Variants in LCN15 observed in about 807,000 individuals in gnomAD.
LCN15 encodes lipocalin 15, also known as lipocalin-15.
In LCN15, 26 loss-of-function variants were observed where a neutral mutation model predicts 23.1. The observed-to-expected ratio is 1.13, with a 90% CI of 0.82 to 1.56. The LOEUF is 1.56. Ranked by LOEUF, LCN15 falls within the 40% of genes most tolerant of loss-of-function variation. The pLI, the probability that LCN15 is intolerant of heterozygous loss-of-function variation, is 0.00. For missense variants in LCN15, 241 were observed against 239.5 expected (o/e 1.01, Z -0.04); for synonymous variants, 107 against 98.3 (o/e 1.09, Z -0.52).
chr9:136,763,633 C>T, intron 3 of LCN15, 80 bp downstream of exon 3: 2 of 1,507,890 alleles, frequency 1.3e-6, no homozygotes, highest in Non-Finnish European at 1.8e-6. Flanking sequence ...ACAGCTTGGG[C>T]CCGGGTGGAA....
chr9:136,761,033 A>C lies in LCN15; in HGVS notation c.*32+754T>G, dbSNP rs953534092. ...TTCGGCAGCACAGACACTAGGGGGCAGTTTGGACACAGATGCACAGAAGGA... is the reference window on the plus strand; with the variant it reads ...TTCGGCAGCACAGACACTAGGGGGCCGTTTGGACACAGATGCACAGAAGGA... On this transcript the variant is annotated intron_variant, in intron 6 of 6. Transcript: ENST00000316144. This position sits in a 1 kb window ranked among gnomAD's most constrained non-coding sequence, Gnocchi z 4.2. 1.3e-5 allele frequency among the ~76,000 whole-genome samples: 2 copies of C among 152,220 alleles called. No individual in the cohort carries two copies. The highest frequency in any genetic ancestry group is 2.9e-5 in the Non-Finnish European group (2 of 68,028).
At chr9:136,764,072 G>A (rs1249590953) in intron 1 of LCN15, 63 bp from the exon 2 acceptor site, 1 of 1,582,552 alleles carries the variant, frequency 6.3e-7, no homozygotes, top group African/African-American at 1.3e-5. Context: ...CTTGCCCAGG[G>A]ACCCAGGGGA....
intron 1 of LCN15, 185 bp from the exon 2 acceptor site, chr9:136,764,194 T>C (rs1035807720): frequency 1.9e-5 from 16 of 825,864 alleles, no homozygotes; most frequent in Non-Finnish European, 3.0e-5. Flanking sequence ...ACTGTGAGCC[T>C]CAGTTCCCAG....
At chr9:136,760,203 G>A (rs1213560640) in intron 6 of LCN15, among the ~76,000 whole-genome samples, 1 of 152,274 alleles carries the variant, frequency 6.6e-6, no homozygotes, top group East Asian at 1.9e-4. Flanking sequence ...TACCCCGAAA[G>A]CTGCTTCTTC....
chr9:136,763,308 G>A (rs1321877388), intron 4 of LCN15, 49 bp downstream of exon 4: 6 of 1,085,330 alleles, frequency 5.5e-6, no homozygotes, highest in Non-Finnish European at 7.8e-6. Flanking sequence ...GGCGGGGCCT[G>A]TGGGAAGTTG....
chr9:136,764,241 T>G (rs1847355015), intron 1 of LCN15, 152 bp downstream of exon 1: 2 of 826,698 alleles, frequency 2.4e-6, no homozygotes, highest in Admixed American at 2.7e-5. Context: ...ATTCACAGGT[T>G]GGTTTAGGAT....
At chr9:136,760,922 C>T (rs1847310350) in intron 6 of LCN15, among the ~76,000 whole-genome samples, 1 of 152,246 alleles carries the variant, frequency 6.6e-6, no homozygotes, top group South Asian at 2.1e-4. Flanking sequence ...AGTTTAGAAT[C>T]TGGAGATTAG....
chr9:136,763,268 G>T, intron 4 of LCN15, 89 bp downstream of exon 4: 1 of 707,630 alleles, frequency 1.4e-6, no homozygotes, highest in Non-Finnish European at 2.2e-6. Flanking sequence ...GGGGCGGCAG[G>T]CGGGCGGGGC....
In LCN15 at chr9:136,761,539, G is replaced by T. The variant is rs1292738009; in HGVS notation, c.*32+248C>A. 6.6e-6 allele frequency among the ~76,000 whole-genome samples: 1 copy of T among 152,202 alleles called. No homozygotes were observed. The highest frequency in any genetic ancestry group is 2.4e-5 in the African/African-American group (1 of 41,450). On this transcript the variant is annotated intron_variant, in intron 6 of 6. Coordinates refer to ENST00000316144, the MANE Select transcript of LCN15 (RefSeq NM_203347.2). The surrounding 1 kb of genome is among the most constrained non-coding windows in gnomAD (Gnocchi z 4.2). ...GCCTCCCAAAGTGCTGGGATGATAG[G>T]CATGAGCCACTGCACCCGGCCAAAC...
In LCN15 at chr9:136,764,407, A is replaced by T. The variant is rs757445476; in HGVS notation, c.82T>A (p.Phe28Ile). The stretch of plus-strand genomic sequence containing the variant: ...GCCCCTGGTACCTTTTCAGCATTGA[A>T]GTCAGGCTGCAGCAGAACCTCAGCC... Reference protein sequence around the residue: ...AQAEVLLQPDFNAEKFSGLWY... With the variant: ...AQAEVLLQPDINAEKFSGLWY... Residue 28 changes from phenylalanine to isoleucine, a missense_variant, in exon 1 of 7, where the codon TTC (phenylalanine) becomes ATC (isoleucine). By Grantham distance (21) the Phe-to-Ile change is conservative (BLOSUM62 0). Transcript: ENST00000316144. 6.2e-7 allele frequency: 1 copy of T among 1,613,230 alleles called. No individual in the cohort carries two copies. The highest frequency in any genetic ancestry group is 8.5e-7 in the Non-Finnish European group (1 of 1,179,640).
intron 4 of LCN15, among the ~76,000 whole-genome samples, chr9:136,762,694 G>T: frequency 6.6e-6 from 1 of 152,188 alleles, no homozygotes; most frequent in Non-Finnish European, 1.5e-5. Flanking sequence ...GAGGTCAGGA[G>T]ATCGAGACCA....
At position 136,761,931 on chromosome 9, in the gene LCN15, C is replaced by T; in HGVS notation, c.521-78G>A. The T allele has an allele frequency of 2.6e-6, 3 of 1,173,458 alleles. No homozygotes were observed. The highest frequency in any genetic ancestry group is 3.3e-6 in the Non-Finnish European group (3 of 897,650). The allele number at this position is 1,173,458 out of a possible 1,614,324, so 72.7% of individuals were successfully genotyped here. A position where few individuals can be genotyped will look rare whatever the true frequency, so the allele number is the denominator to read the frequency against. ...TCCCGCAGCCCCCAACCCCTGGGTG[C>T]CAAGGGCCACTGGACAGCTCCACCA... On this transcript the variant is annotated intron_variant, in intron 5 of 6. Coordinates refer to ENST00000316144, the MANE Select transcript of LCN15 (RefSeq NM_203347.2). This position sits in a 1 kb window ranked among gnomAD's most constrained non-coding sequence, Gnocchi z 4.2.
At chr9:136,760,301 C>A (rs1056419278) in intron 6 of LCN15, among the ~76,000 whole-genome samples, 1 of 152,248 alleles carries the variant, frequency 6.6e-6, no homozygotes. Flanking sequence ...GTTTCCCAAC[C>A]CAGCGGGGGT....
chr9:136,761,505 C>A lies in LCN15; in HGVS notation c.*32+282G>T, dbSNP rs1847316366. ...CGAACTCCCAACCTCAGGTGACCCG[C>A]CTGCCTCGGCCTCCCAAAGTGCTGG... is the stretch of plus-strand genomic sequence containing the variant. On this transcript the variant is annotated intron_variant, in intron 6 of 6. Transcript: ENST00000316144. This position sits in a 1 kb window ranked among gnomAD's most constrained non-coding sequence, Gnocchi z 4.2. 6.6e-6 allele frequency among the ~76,000 whole-genome samples: 1 copy of A among 152,212 alleles called. No homozygotes were observed. The highest frequency in any genetic ancestry group is 2.1e-4 in the South Asian group (1 of 4,832).
chr9:136,760,183 C>T (rs377239916), intron 6 of LCN15, among the ~76,000 whole-genome samples: 5 of 152,238 alleles, frequency 3.3e-5, no homozygotes, highest in African/African-American at 9.6e-5. Context: ...GTGGCCCAGG[C>T]GGGGCACTCT....
At chr9:136,759,949 A>T in intron 6 of LCN15, among the ~76,000 whole-genome samples, 166 bp from the exon 7 acceptor site, 1 of 68,220 alleles carries the variant, frequency 1.5e-5, no homozygotes, top group South Asian at 4.6e-4. Flanking sequence ...ACCAGCTACC[A>T]CTGCTGCCCC....
At chr9:136,763,491 T>C (rs201149738) in intron 3 of LCN15, 24 bp from the exon 4 acceptor site, 2 of 1,537,560 alleles carry the variant, frequency 1.3e-6, no homozygotes, top group East Asian at 4.5e-5. Flanking sequence ...GGCGGCCTTT[T>C]CAGGCTGGAG....
In LCN15 at chr9:136,763,387, C is replaced by T. The variant is rs754099960; in HGVS notation, c.388G>A (p.Gly130Arg). ...AVLYIYKELE[G>R]ALSTMVQLYS... Reference sequence around the variant, plus strand: ...AGCTGCACCATGGTGCTGAGGGCCCCCTCCAGCTCCTTGTAGATGTAAAGG... The same window carrying T: ...AGCTGCACCATGGTGCTGAGGGCCCTCTCCAGCTCCTTGTAGATGTAAAGG... The change falls in exon 4 of 7, where the codon GGG (glycine) becomes AGG (arginine). Residue 130 changes from glycine to arginine, a missense_variant. Physicochemically the swap from Gly to Arg is moderately radical, Grantham distance 125. Coordinates refer to ENST00000316144, the MANE Select transcript of LCN15 (RefSeq NM_203347.2). 19 of 1,602,752 alleles carry T rather than the reference C, an allele frequency of 1.2e-5. No homozygotes were observed. Among genetic ancestry groups the T allele is most frequent in the Non-Finnish European group, 1.5e-5 (18 of 1,175,058 alleles).
intron 3 of LCN15, 72 bp from the exon 4 acceptor site, chr9:136,763,539 G>A: frequency 2.4e-6 from 3 of 1,225,878 alleles, no homozygotes; most frequent in South Asian, 2.7e-5. Flanking sequence ...ACCCATGCCT[G>A]CCCCTGCTGC....
Sources: gnomAD v4.1 joint callset for allele counts (sites outside exome capture counted in the v4.1 genomes callset) on GRCh38, gnomAD v4.1.1 for gene constraint, Gnocchi (gnomAD v3.1) non-coding constraint, MANE v1.5 for transcripts, NCBI Gene and HGNC (gene_info 2026-07-23, HGNC 2026-07-21) for gene names.